The following STRN variants were observed in gnomAD, a reference collection of about 807,000 sequenced individuals.
The protein encoded by STRN is protein phosphatase 2 regulatory subunit B'''alpha.
Under a neutral mutation model 96.3 loss-of-function variants are expected in STRN, and 53 were observed. The observed-to-expected ratio is 0.55, with a 90% confidence interval of 0.44 to 0.69. The LOEUF (loss-of-function observed/expected upper bound fraction) is 0.69. Among genes scored for constraint, STRN ranks in the 30% least tolerant of loss-of-function variants. The probability of loss-of-function intolerance (pLI) is 0.00; values close to 1 mark genes in which losing one functional copy is unlikely to be tolerated. For synonymous variants in STRN, 428 were observed against 355.9 expected (o/e 1.20, Z -2.28); for missense variants, 987 against 963.9 (o/e 1.02, Z -0.32).
intron 1 of STRN, among the ~76,000 whole-genome samples, chr2:36,948,068 T>G (rs1664641642): frequency 6.8e-6 from 1 of 147,810 alleles, no homozygotes; most frequent in Non-Finnish European, 1.5e-5. Context: ...TCCTCTATAA[T>G]TATCAGTGCA....
intron 1 of STRN, among the ~76,000 whole-genome samples, chr2:36,929,046 T>C (rs1670498488): frequency 6.6e-6 from 1 of 151,836 alleles, no homozygotes; most frequent in South Asian, 2.1e-4. Flanking sequence ...TAACAGCATA[T>C]ACTTCTGGAG....
At chr2:36,894,072 T>G in intron 6 of STRN, 39 bp from the exon 7 acceptor site, 2 of 1,591,886 alleles carry the variant, frequency 1.3e-6, no homozygotes, top group Non-Finnish European at 1.7e-6. Flanking sequence ...AAGGAGATAG[T>G]TTCCCTTTAC....
chr2:36,849,301 A>G lies in STRN; in HGVS notation c.*155T>C, dbSNP rs761768717. 42 of 853,184 alleles carry G rather than the reference A, an allele frequency of 4.9e-5. No homozygotes were observed. Among genetic ancestry groups the G allele is most frequent in the Non-Finnish European group, 7.0e-5 (40 of 567,892 alleles). 52.9% of individuals were successfully genotyped at this position (853,184 alleles called of 1,614,324 possible). A position where few individuals can be genotyped will look rare whatever the true frequency, so the allele number is the denominator to read the frequency against. ...ACAAACCTTAGTTTTAGAAAACAGT[A>G]TATGAATTGCAAAACTATACTTCAA... is the stretch of plus-strand genomic sequence containing the variant. On this transcript the variant is annotated 3_prime_UTR_variant, in exon 18 of 18. Coordinates refer to ENST00000263918, the MANE Select transcript of STRN (RefSeq NM_003162.4).
chr2:36,961,114 A>AATTTT (rs1665019693), intron 1 of STRN, among the ~76,000 whole-genome samples: 1 of 73,368 alleles, frequency 1.4e-5, no homozygotes, highest in Non-Finnish European at 2.5e-5. Flanking sequence ...CCCAGGCTGC[A>AATTTT]CTTTTTTTTT....
intron 2 of STRN, 102 bp downstream of exon 2, chr2:36,925,003 C>T: frequency 9.6e-7 from 1 of 1,044,070 alleles, no homozygotes; most frequent in Non-Finnish European, 1.5e-6. Flanking sequence ...TCGCGGTGAG[C>T]CAAGATCGTA....
intron 15 of STRN, 56 bp from the exon 16 acceptor site, chr2:36,851,163 A>C (rs1290361059): frequency 6.9e-7 from 1 of 1,440,288 alleles, no homozygotes; most frequent in East Asian, 2.3e-5. Flanking sequence ...TTTTCACACA[A>C]AGGAGAACTG....
chr2:36,923,788 A>G (rs1188949877), intron 2 of STRN, among the ~76,000 whole-genome samples: 1 of 152,340 alleles, frequency 6.6e-6, no homozygotes, highest in East Asian at 1.9e-4. Context: ...ACAAAGCAAA[A>G]AAGTAGCAAA....
intron 15 of STRN, among the ~76,000 whole-genome samples, chr2:36,853,443 T>C (rs1011811725): frequency 2.6e-5 from 4 of 152,316 alleles, no homozygotes; most frequent in Admixed American, 6.5e-5. Context: ...AGAAAATAAA[T>C]ATGATTGAAA....
rs577389146 is a variant in STRN, at chr2:36,910,924, G to A, written c.412+5154C>T. 6.6e-5 allele frequency among the ~76,000 whole-genome samples: 10 copies of A among 152,098 alleles called. No homozygotes were observed. In the South Asian group the frequency reaches 1.7e-3, roughly 25 times the overall value. On this transcript the variant is annotated intron_variant, in intron 3 of 17. Transcript: ENST00000263918. Reference sequence around the variant, plus strand: ...CCTACAGTAGAAATATGAAGGTCTGGACGTGGGACAAAAAAAAATTAGAAA... The same window carrying A: ...CCTACAGTAGAAATATGAAGGTCTGAACGTGGGACAAAAAAAAATTAGAAA...
At chr2:36,964,184 G>GGGA in intron 1 of STRN, among the ~76,000 whole-genome samples, 1 of 78,316 alleles carries the variant, frequency 1.3e-5, no homozygotes, top group East Asian at 2.8e-4. Flanking sequence ...ACGGGGCGGG[G>GGGA]CGGGGGGAAG....
At chr2:36,915,246 T>TATATATAA (rs1225530157) in intron 3 of STRN, among the ~76,000 whole-genome samples, 1 of 102,014 alleles carries the variant, frequency 9.8e-6, no homozygotes, top group Non-Finnish European at 1.7e-5. Context: ...TATATATATA[T>TATATATAA]ATATATATAT....
chr2:36,892,482 T>A (rs1361587395), intron 7 of STRN, among the ~76,000 whole-genome samples: 1 of 152,230 alleles, frequency 6.6e-6, no homozygotes, highest in South Asian at 2.1e-4. Context: ...GTAATCTGTA[T>A]AATTTGGGAC....
intron 7 of STRN, among the ~76,000 whole-genome samples, chr2:36,890,966 T>A (rs556613045): frequency 6.6e-6 from 1 of 152,186 alleles, no homozygotes; most frequent in East Asian, 1.9e-4. Flanking sequence ...GACTATCCCT[T>A]ACCCGAAATG....
In STRN at chr2:36,847,985, G is replaced by A. The variant is rs966746633; in HGVS notation, c.*1471C>T. 5.9e-5 allele frequency: 9 copies of A among 152,122 alleles called. No individual in the cohort carries two copies. The highest frequency in any genetic ancestry group is 1.3e-4 in the Non-Finnish European group (9 of 68,028). The allele number at this position is 152,122 out of a possible 1,614,324, so 9.4% of individuals were successfully genotyped here. On this transcript the variant is annotated 3_prime_UTR_variant, in exon 18 of 18. Transcript: ENST00000263918. ...TAATTTATTTCCAATTTCTAGATTG[G>A]TCTCTGTCATTTGGGACAAAGAGTA...
intron 12 of STRN, among the ~76,000 whole-genome samples, chr2:36,865,824 T>C (rs1289558631): frequency 2.0e-5 from 3 of 152,018 alleles, no homozygotes; most frequent in African/African-American, 7.2e-5. Context: ...CCTCCCAAAG[T>C]GCTGGAATTA....
chr2:36,843,660 T>C lies in STRN; in HGVS notation c.*5796A>G, dbSNP rs1219120050. On this transcript the variant is annotated 3_prime_UTR_variant, in exon 18 of 18. Transcript: ENST00000263918. The stretch of plus-strand genomic sequence containing the variant: ...ATGTATACTTTGTCTAATATCCTTT[T>C]ATTTCTCTGCACCCCTCTACAACTC... The C allele has an allele frequency of 2.0e-5, 3 of 152,162 alleles. No homozygotes were observed. The highest frequency in any genetic ancestry group is 6.6e-5 in the Admixed American group (1 of 15,244). 9.4% of individuals were successfully genotyped at this position (152,162 alleles called of 1,614,324 possible).
intron 1 of STRN, among the ~76,000 whole-genome samples, chr2:36,938,573 C>T (rs774872146): frequency 1.3e-5 from 2 of 152,288 alleles, no homozygotes; most frequent in Non-Finnish European, 2.9e-5. Flanking sequence ...TTAAGCCCAA[C>T]TGGTGTTTGC....
In STRN at chr2:36,855,987, A is replaced by AC. The variant is rs543943907; in HGVS notation, c.1838-636_1838-635insG. 4.7e-4 allele frequency among the ~76,000 whole-genome samples: 71 copies of AC among 152,286 alleles called. 2 individuals are homozygous for AC. In the East Asian group the frequency reaches 0.012, roughly 25 times the overall value. ...ATTTTTTTCATTTGGCTCAAAATCT[A>AC]ACTACAGCAAGGTAACAGTTCAAAA... On this transcript the variant is annotated intron_variant, in intron 14 of 17. Transcript: ENST00000263918.
At chr2:36,903,361 G>A (rs1022429390) in intron 4 of STRN, among the ~76,000 whole-genome samples, 4 of 152,218 alleles carry the variant, frequency 2.6e-5, no homozygotes, top group Admixed American at 6.5e-5. Flanking sequence ...TTGAGAGCTA[G>A]ATCTAGGTCC....
Sources: gnomAD v4.1 joint callset for allele counts (sites outside exome capture counted in the v4.1 genomes callset) on GRCh38, gnomAD v4.1.1 for gene constraint, MANE v1.5 for transcripts, NCBI Gene and HGNC (gene_info 2026-07-23, HGNC 2026-07-21) for gene names.